MAGI2: variants seen among roughly 807,000 people sequenced by gnomAD.
MAGI2 encodes the protein membrane associated guanylate kinase, WW and PDZ domain containing 2.
In MAGI2, 35 loss-of-function variants were observed where a neutral mutation model predicts 133.3. The observed-to-expected ratio is 0.26, with a 90% CI of 0.20 to 0.35. The LOEUF (loss-of-function observed/expected upper bound fraction) is 0.35, where lower values mean the gene tolerates loss of function less well. Ranked by LOEUF, MAGI2 falls within the 10% of genes least tolerant of loss-of-function variation. MAGI2 has a pLI of 1.00. For missense variants in MAGI2, 1,636 were observed against 1,863.4 expected, an observed-to-expected ratio of 0.88 and a Z score of 2.25; for synonymous variants, 729 against 710.6, an observed-to-expected ratio of 1.03 and a Z score of -0.41.
At chr7:79,434,275 T>C (rs543733649) in intron 1 of MAGI2, among the ~76,000 whole-genome samples, 2 of 152,274 alleles carry the variant, frequency 1.3e-5, no homozygotes, top group East Asian at 3.9e-4. Flanking sequence ...CGATGAGTAA[T>C]TGACTCAGCA....
At chr7:78,072,852 G>A (rs535751599) in intron 21 of MAGI2, 3 of 398,356 alleles carry the variant, frequency 7.5e-6, no homozygotes, top group African/African-American at 6.2e-5. Flanking sequence ...GTAGAGACAA[G>A]GTCTCCCTAT....
At chr7:79,064,519 C>T (rs1009101718) in intron 1 of MAGI2, among the ~76,000 whole-genome samples, 5 of 151,840 alleles carry the variant, frequency 3.3e-5, no homozygotes, top group Admixed American at 1.3e-4. Context: ...ATTTTCAGTC[C>T]GAATCATAAA....
intron 1 of MAGI2, among the ~76,000 whole-genome samples, chr7:79,296,048 T>C (rs1205135431): frequency 6.6e-6 from 1 of 152,190 alleles, no homozygotes; most frequent in Non-Finnish European, 1.5e-5. Flanking sequence ...ACTTTCCTAA[T>C]TGTGCATTAA....
At chr7:78,657,435 TAGGTA>T (rs1343139629) in intron 2 of MAGI2, among the ~76,000 whole-genome samples, 4 of 152,194 alleles carry the variant, frequency 2.6e-5, no homozygotes, top group African/African-American at 4.8e-5. Flanking sequence ...TGTCCTTTAG[TAGGTA>T]AATGGATAAA....
intron 1 of MAGI2, among the ~76,000 whole-genome samples, chr7:79,446,281 C>T (rs560902856): frequency 6.4e-4 from 98 of 152,078 alleles, no homozygotes; most frequent in African/African-American, 2.3e-3. Context: ...CTAACCTGCA[C>T]GTTGAGCACG....
At chr7:79,350,958 T>C (rs964734724) in intron 1 of MAGI2, among the ~76,000 whole-genome samples, 14 of 152,066 alleles carry the variant, frequency 9.2e-5, no homozygotes, top group Admixed American at 8.5e-4. Flanking sequence ...TTGAGAAAAG[T>C]TCTAGAATAT....
chr7:78,083,449 A>T (rs1816274759), intron 20 of MAGI2, among the ~76,000 whole-genome samples: 1 of 149,624 alleles, frequency 6.7e-6, no homozygotes, highest in African/African-American at 2.5e-5. Flanking sequence ...AGAGACAGAG[A>T]TACTAAAACC....
intron 2 of MAGI2, among the ~76,000 whole-genome samples, chr7:78,839,308 C>A (rs773618024): frequency 5.3e-5 from 8 of 152,094 alleles, no homozygotes; most frequent in Non-Finnish European, 7.4e-5. Context: ...TGAAAACATG[C>A]TGGGTGGGCC....
intron 3 of MAGI2, among the ~76,000 whole-genome samples, chr7:78,529,743 C>T (rs561870705): frequency 6.4e-5 from 8 of 124,070 alleles, no homozygotes; most frequent in African/African-American, 2.1e-4. Flanking sequence ...TCTCGAACTC[C>T]TAGCCTCAAG....
chr7:78,291,808 A>G (rs1796740491), intron 9 of MAGI2, among the ~76,000 whole-genome samples: 1 of 152,244 alleles, frequency 6.6e-6, no homozygotes, highest in Non-Finnish European at 1.5e-5. Context: ...AATTCAGCAT[A>G]TAAACAGAAC....
chr7:78,413,237 C>A (rs1798014773), intron 6 of MAGI2, among the ~76,000 whole-genome samples: 1 of 152,018 alleles, frequency 6.6e-6, no homozygotes, highest in Non-Finnish European at 1.5e-5. Flanking sequence ...GTGTAAAGAC[C>A]AATTTATATG....
intron 6 of MAGI2, among the ~76,000 whole-genome samples, chr7:78,371,627 T>A (rs1162047902): frequency 6.6e-6 from 1 of 152,046 alleles, no homozygotes; most frequent in Non-Finnish European, 1.5e-5. Flanking sequence ...AGTTCATTGA[T>A]TCTTTTCTTT....
chr7:78,494,707 T>C (rs1433959556), intron 5 of MAGI2, among the ~76,000 whole-genome samples: 1 of 152,176 alleles, frequency 6.6e-6, no homozygotes. Flanking sequence ...ATTGGAAAAA[T>C]TCAATTTCAT....
At chr7:78,028,376 G>A (rs774920432) in intron 21 of MAGI2, among the ~76,000 whole-genome samples, 1 of 152,132 alleles carries the variant, frequency 6.6e-6, no homozygotes, top group Non-Finnish European at 1.5e-5. Flanking sequence ...CATAATCAAA[G>A]GTGCAGCAAT....
intron 1 of MAGI2, among the ~76,000 whole-genome samples, chr7:79,438,298 A>C (rs1389278042): frequency 6.6e-6 from 1 of 152,144 alleles, no homozygotes; most frequent in East Asian, 1.9e-4. Context: ...AAAATGAAAC[A>C]AGAAAATCTC....
chr7:78,942,975 A>G (rs1055218060), intron 2 of MAGI2, among the ~76,000 whole-genome samples: 1 of 152,028 alleles, frequency 6.6e-6, no homozygotes, highest in African/African-American at 2.4e-5. Flanking sequence ...CTATTGTGCC[A>G]TTTCCTCAAT....
chr7:79,346,307 T>G (rs1298451621), intron 1 of MAGI2, among the ~76,000 whole-genome samples: 1 of 152,070 alleles, frequency 6.6e-6, no homozygotes, highest in African/African-American at 2.4e-5. Flanking sequence ...TAATTTCCTA[T>G]GAACATTTCA....
At chr7:79,311,035 C>T (rs1357632736) in intron 1 of MAGI2, among the ~76,000 whole-genome samples, 1 of 152,078 alleles carries the variant, frequency 6.6e-6, no homozygotes, top group South Asian at 2.1e-4. Context: ...AAAACCACCC[C>T]CAACAAATTG....
At chr7:78,385,564 G>A (rs924984638) in intron 6 of MAGI2, among the ~76,000 whole-genome samples, 1 of 152,134 alleles carries the variant, frequency 6.6e-6, no homozygotes, top group African/African-American at 2.4e-5. Flanking sequence ...TGAAAGTAAT[G>A]TCCAAATTCA....
Sources: gnomAD v4.1 joint callset for allele counts (sites outside exome capture counted in the v4.1 genomes callset) on GRCh38, gnomAD v4.1.1 for gene constraint, MANE v1.5 for transcripts, NCBI Gene and HGNC (gene_info 2026-07-23, HGNC 2026-07-21) for gene names.